The following GYG2 variants were observed in gnomAD, a reference collection of about 807,000 sequenced individuals.
The protein encoded by GYG2 is glycogenin 2, also known as glycogenin-2.
GYG2 carries 29 observed loss-of-function variants against 29.4 expected under a neutral mutation model. That is an observed-to-expected ratio of 0.99 (90% CI 0.74 to 1.35). The LOEUF (loss-of-function observed/expected upper bound fraction) is 1.35. GYG2 is among the 40% of genes most tolerant of loss of function. The pLI is 0.00. For synonymous variants in GYG2, 167 were observed against 172.3 expected (o/e 0.97, Z 0.24); for missense variants, 370 against 385.7 (o/e 0.96, Z 0.34).
intron 8 of GYG2, among the ~76,000 whole-genome samples, chrX:2,873,946 A>T (rs1328238971): frequency 9.0e-6 from 1 of 110,677 alleles, no homozygotes; most frequent in Non-Finnish European, 1.9e-5. Flanking sequence ...CACAAAAAAA[A>T]TTAGCTGGGT....
rs1428386799 is a variant in GYG2 at position 2,830,095 on chromosome X, C to CCTCTGCT, written c.-91_-85dup. 7.9e-6 allele frequency: 7 copies of CCTCTGCT among 888,565 alleles called. No homozygotes were observed. The highest frequency in any genetic ancestry group is 2.3e-5 in the Admixed American group (1 of 43,268). The allele number at this position is 888,565 out of a possible 1,213,427, so 73.2% of individuals were successfully genotyped here. ...TCCACGCGGATTCCCGGAGACGGCGCCTCTGCTCTGCGGGTTCGTGGCGAG... is the reference window on the plus strand; with the variant it reads ...TCCACGCGGATTCCCGGAGACGGCGCCTCTGCTCTCTGCTCTGCGGGTTCGTGGCGAG... On this transcript the variant is annotated 5_prime_UTR_variant, in exon 2 of 11. Transcript: ENST00000398806.
chrX:2,848,739 G>A (rs560765444), intron 3 of GYG2, among the ~76,000 whole-genome samples: 2 of 111,556 alleles, frequency 1.8e-5, no homozygotes, highest in South Asian at 7.6e-4. Context: ...GATGGATACT[G>A]CATTTTCCAT....
chrX:2,858,095 A>T lies in GYG2; in HGVS notation c.614+1471A>T, dbSNP rs765905808. 1.5e-3 allele frequency among the ~76,000 whole-genome samples: 158 copies of T among 106,404 alleles called. 1 individual carries two copies. Among genetic ancestry groups the T allele is most frequent in the African/African-American group, 4.9e-3 (148 of 30,204 alleles). The allele number at this position is 106,404 out of a possible 115,157, so 92.4% of individuals were successfully genotyped here. A position where few individuals can be genotyped will look rare whatever the true frequency, so the allele number is the denominator to read the frequency against. On this transcript the variant is annotated intron_variant, in intron 6 of 10. Transcript: ENST00000398806. Reference sequence around the variant, plus strand: ...ACTGCATAATGGTTTGATTTTTTTTAAAGGGATTGATAAATATGCTTTCTA... The same window carrying T: ...ACTGCATAATGGTTTGATTTTTTTTTAAGGGATTGATAAATATGCTTTCTA...
At chrX:2,840,501 A>G in intron 2 of GYG2, among the ~76,000 whole-genome samples, 1 of 112,318 alleles carries the variant, frequency 8.9e-6, no homozygotes, top group Non-Finnish European at 1.9e-5. Flanking sequence ...AAATGTCTAA[A>G]GAAGTAGTAA....
chrX:2,833,943 A>G (rs2087319498), intron 2 of GYG2, among the ~76,000 whole-genome samples: 1 of 112,434 alleles, frequency 8.9e-6, no homozygotes, highest in East Asian at 2.8e-4. Context: ...AATGGAGATG[A>G]GACCTTCTTA....
At chrX:2,851,712 G>T (rs746370100) in intron 3 of GYG2, among the ~76,000 whole-genome samples, 2 of 112,132 alleles carry the variant, frequency 1.8e-5, no homozygotes, top group Non-Finnish European at 3.8e-5. Context: ...GGATTAAGTG[G>T]TGTCTGTTGG....
At chrX:2,838,598 AT>A (rs898426250) in intron 2 of GYG2, among the ~76,000 whole-genome samples, 42 of 99,841 alleles carry the variant, frequency 4.2e-4, no homozygotes, top group Admixed American at 9.9e-4. Context: ...TCTTCTCTCT[AT>A]TTTTTTTTTC....
chrX:2,862,938 T>C (rs763992500), intron 8 of GYG2, among the ~76,000 whole-genome samples: 3 of 109,522 alleles, frequency 2.7e-5, no homozygotes, highest in African/African-American at 3.3e-5. Context: ...TGTGCACCTG[T>C]AGTCCCAGCT....
intron 3 of GYG2, among the ~76,000 whole-genome samples, chrX:2,846,025 A>G (rs1273309758): frequency 1.5e-5 from 1 of 65,928 alleles, no homozygotes; most frequent in Admixed American, 2.1e-4. Flanking sequence ...ACACACACAC[A>G]TATATATACA....
intron 8 of GYG2, among the ~76,000 whole-genome samples, chrX:2,873,806 C>T (rs1035097133): frequency 8.1e-5 from 9 of 111,401 alleles, no homozygotes; most frequent in South Asian, 7.5e-4. Flanking sequence ...AGTGCACTTT[C>T]GGAGGCTGGG....
Position 2,861,696 on chromosome X carries a change from C to G in GYG2, c.1012C>G (p.Leu338Val). ...PTQIVDETLS[L>V]PEGRRSEDMI... is the part of the protein sequence containing the mutation. ...CCAGATAGTGGATGAGACCCTGTCC[C>G]TACCTGAAGGACGCCGTTCAGAAGA... Residue 338 changes from leucine to valine, a missense_variant, in exon 8 of 11, where the codon CTA becomes GTA. Physicochemically the swap from Leu to Val is conservative, Grantham distance 32. Coordinates refer to ENST00000398806, the MANE Select transcript of GYG2 (RefSeq NM_001079855.2). The G allele has an allele frequency of 8.4e-7, 1 of 1,195,323 alleles. No individual in the cohort carries two copies. Among genetic ancestry groups the G allele is most frequent in the Non-Finnish European group, 1.1e-6 (1 of 885,194 alleles).
intron 3 of GYG2, 28 bp downstream of exon 3, chrX:2,843,382 C>T (rs770905375): frequency 5.2e-6 from 6 of 1,144,530 alleles, no homozygotes; most frequent in South Asian, 1.9e-5. Flanking sequence ...GGCTTGTGCC[C>T]AGCTGGGTCC....
At chrX:2,877,357 C>T in intron 10 of GYG2, 50 bp downstream of exon 10, 1 of 1,195,509 alleles carries the variant, frequency 8.4e-7, no homozygotes, top group Non-Finnish European at 1.1e-6. Flanking sequence ...GGGGGCCATC[C>T]ACCGTCACTG....
chrX:2,880,826 G>T (rs2088703658), intron 10 of GYG2, among the ~76,000 whole-genome samples: 1 of 111,686 alleles, frequency 9.0e-6, no homozygotes, highest in Admixed American at 9.5e-5. Flanking sequence ...AGGATCTCTT[G>T]AGCCCAGGAG....
At chrX:2,877,150 C>G (rs781101280) in intron 9 of GYG2, 50 bp from the exon 10 acceptor site, 1 of 1,192,474 alleles carries the variant, frequency 8.4e-7, no homozygotes, top group East Asian at 3.0e-5. Flanking sequence ...GTTAGGGCTA[C>G]AGTTCCCTGC....
Position 2,854,893 on chromosome X carries a change from C to T in GYG2, c.325-100C>T, listed in dbSNP as rs955931136. 17 of 980,489 alleles carry T rather than the reference C, an allele frequency of 1.7e-5. No individual in the cohort carries two copies. In the African/African-American group the frequency reaches 2.8e-4, roughly 16 times the overall value. The allele number at this position is 980,489 out of a possible 1,213,427, so 80.8% of individuals were successfully genotyped here. ...GCCGCAGTGAGCCGAGACTGAAGCACTGCACTCCAGCCTGGGCGACAGAGC... is the reference window on the plus strand; with the variant it reads ...GCCGCAGTGAGCCGAGACTGAAGCATTGCACTCCAGCCTGGGCGACAGAGC... On this transcript the variant is annotated intron_variant, in intron 4 of 10. Coordinates refer to ENST00000398806, the MANE Select transcript of GYG2 (RefSeq NM_001079855.2).
intron 3 of GYG2, chrX:2,853,155 C>T (rs1251255455): frequency 9.0e-6 from 1 of 111,438 alleles, no homozygotes; most frequent in African/African-American, 3.3e-5. Flanking sequence ...GCAGGAATTA[C>T]AGGCGCCCAC....
intron 8 of GYG2, among the ~76,000 whole-genome samples, chrX:2,870,265 G>A (rs762387318): frequency 7.3e-5 from 8 of 110,314 alleles, no homozygotes; most frequent in South Asian, 3.9e-4. Context: ...GCACTGGTGC[G>A]ATCTCGGCTC....
In GYG2 at chrX:2,880,847, C is replaced by T. The variant is rs181084199; in HGVS notation, c.1252-205C>T. ...TCTTGAGCCCAGGAGGTCAAGGCTGCAGTGAGCTGTGACTGCACCACTGCA... is the reference window on the plus strand; with the variant it reads ...TCTTGAGCCCAGGAGGTCAAGGCTGTAGTGAGCTGTGACTGCACCACTGCA... On this transcript the variant is annotated intron_variant, in intron 10 of 10. Transcript: ENST00000398806. 3.7e-4 allele frequency among the ~76,000 whole-genome samples: 41 copies of T among 111,961 alleles called. No individual in the cohort carries two copies. In the East Asian group the frequency reaches 0.011, roughly 31 times the overall value.
Sources: allele counts gnomAD v4.1 joint callset (sites outside exome capture counted in the v4.1 genomes callset), GRCh38; gene constraint gnomAD v4.1.1; transcripts MANE v1.5; gene names NCBI Gene and HGNC (gene_info 2026-07-23, HGNC 2026-07-21).